MARCHF4: variants seen among roughly 807,000 people sequenced by gnomAD.
MARCHF4 encodes the protein E3 ubiquitin-protein ligase MARCHF4.
Under a neutral mutation model 43.9 loss-of-function variants are expected in MARCHF4, and 14 were observed. The observed-to-expected ratio is 0.32, with a 90% CI of 0.21 to 0.50. The LOEUF (loss-of-function observed/expected upper bound fraction) is 0.50. Ranked by LOEUF, MARCHF4 falls within the 20% of genes least tolerant of loss-of-function variation. The probability of loss-of-function intolerance (pLI) is 0.98; values close to 1 mark genes in which losing one functional copy is unlikely to be tolerated. For missense variants in MARCHF4, 468 were observed against 536.7 expected (o/e 0.87, Z 1.27); for synonymous variants, 226 against 213.3 (o/e 1.06, Z -0.52).
chr2:216,300,106 A>G (rs1272777997), intron 1 of MARCHF4, among the ~76,000 whole-genome samples: 5 of 152,124 alleles, frequency 3.3e-5, no homozygotes, highest in Admixed American at 3.3e-4. Flanking sequence ...AGTACAATCA[A>G]TCTACCACAT....
In MARCHF4 at chr2:216,259,616, T is replaced by C; in HGVS notation, c.929A>G (p.Gln310Arg). The change falls in exon 4 of 4, where the codon CAG becomes CGG. Residue 310 changes from glutamine to arginine, a missense_variant. By Grantham distance (43) the Gln-to-Arg change is conservative. Around this residue, in one of 3 missense-constraint regions of MARCHF4, gnomAD observed 120 missense variants for 127.1 expected, o/e 0.94. Transcript: ENST00000273067. ...GTCATAGTTCAGCACTTTCCACTGCTGGTTGACAGCCTGCCACCGTTTAAA... is the reference window on the plus strand; with the variant it reads ...GTCATAGTTCAGCACTTTCCACTGCCGGTTGACAGCCTGCCACCGTTTAAA... ...RIFKRWQAVN[Q>R]QWKVLNYDKT... 1 of 1,614,224 alleles carries C rather than the reference T, an allele frequency of 6.2e-7. No homozygotes were observed. Among genetic ancestry groups the C allele is most frequent in the Non-Finnish European group, 8.5e-7 (1 of 1,180,032 alleles).
rs1033886339 is a variant in MARCHF4 at position 216,259,011 on chromosome 2, C to T, written c.*301G>A. 2 of 246,640 alleles carry T rather than the reference C, an allele frequency of 8.1e-6. No homozygotes were observed. The highest frequency in any genetic ancestry group is 4.4e-5 in the African/African-American group (2 of 45,686). 15.3% of individuals were successfully genotyped at this position (246,640 alleles called of 1,614,324 possible). ...CCTCAGCCTCTGCTTCTTCGGGTACCTTGCCTGCAGGTGCATTGGGGCAGG... is the reference window on the plus strand; with the variant it reads ...CCTCAGCCTCTGCTTCTTCGGGTACTTTGCCTGCAGGTGCATTGGGGCAGG... On this transcript the variant is annotated 3_prime_UTR_variant, in exon 4 of 4. Transcript: ENST00000273067.
rs1405447333 is a variant in MARCHF4, at chr2:216,370,152, G to GAC, written c.107_108dup (p.Leu37ValfsTer14). On this transcript the variant is annotated frameshift_variant, in exon 1 of 4. Coordinates refer to ENST00000273067, the MANE Select transcript of MARCHF4 (RefSeq NM_020814.3). LOFTEE classifies it high-confidence loss of function. ...AGCATGCGGCAGCGGCACTTGAGGA[G>GAC]ACCCTGGTGGCGCAACATCTGGGGG... 6.2e-7 allele frequency: 1 copy of GAC among 1,609,960 alleles called. No homozygotes were observed. Among genetic ancestry groups the GAC allele is most frequent in the East Asian group, 2.2e-5 (1 of 44,746 alleles).
chr2:216,278,609 A>AT (rs1036204228), intron 2 of MARCHF4, among the ~76,000 whole-genome samples: 6 of 151,056 alleles, frequency 4.0e-5, no homozygotes, highest in East Asian at 1.9e-4. Flanking sequence ...TTTGTTTTTG[A>AT]TTTTTTTTTC....
chr2:216,320,663 CTTT>C (rs1691873053), intron 1 of MARCHF4, among the ~76,000 whole-genome samples: 1 of 96,922 alleles, frequency 1.0e-5, no homozygotes, highest in South Asian at 3.5e-4. Context: ...TTCTTTCTTT[CTTT>C]CTTTCTTTCT....
chr2:216,325,715 T>A (rs1691978832), intron 1 of MARCHF4, among the ~76,000 whole-genome samples: 1 of 151,056 alleles, frequency 6.6e-6, no homozygotes, highest in South Asian at 2.1e-4. Context: ...GGGGAAAGGA[T>A]TCCCTATTTA....
rs369890114 is a variant in MARCHF4 at position 216,274,866 on chromosome 2, AG to A, written c.865+2805del. Among the ~76,000 whole-genome samples the A allele has an allele frequency of 1.5e-3, 230 of 150,408 alleles. 1 individual carries two copies. The highest frequency in any genetic ancestry group is 5.3e-3 in the African/African-American group (219 of 41,184). ...CCGCAGTCATGCTCTGAAATGGTAT[AG>A]GTTCTTATTATAATCAATACAATGA... On this transcript the variant is annotated intron_variant, in intron 3 of 3. Transcript: ENST00000273067.
intron 1 of MARCHF4, among the ~76,000 whole-genome samples, chr2:216,368,273 C>A (rs1004878621): frequency 6.6e-6 from 1 of 152,138 alleles, no homozygotes; most frequent in Non-Finnish European, 1.5e-5. Flanking sequence ...GTCAGCCGAG[C>A]CACTCTACCC....
rs372062275 is a variant in MARCHF4 at position 216,323,536 on chromosome 2, A to C, written c.517-39807T>G. Reference sequence around the variant, plus strand: ...TTTTTTTCAGCATCACACCACACCTATTCCAAAATTGACCACATACTGGGA... The same window carrying C: ...TTTTTTTCAGCATCACACCACACCTCTTCCAAAATTGACCACATACTGGGA... On this transcript the variant is annotated intron_variant, in intron 1 of 3. Coordinates refer to ENST00000273067, the MANE Select transcript of MARCHF4 (RefSeq NM_020814.3). 5.0e-4 allele frequency among the ~76,000 whole-genome samples: 76 copies of C among 152,356 alleles called. 1 individual carries two copies. The East Asian group carries it at 0.011, about 22-fold the overall frequency.
At chr2:216,342,562 TG>T (rs1462383012) in intron 1 of MARCHF4, among the ~76,000 whole-genome samples, 1 of 151,914 alleles carries the variant, frequency 6.6e-6, no homozygotes, top group Non-Finnish European at 1.5e-5. Flanking sequence ...CCTGCAGGAA[TG>T]GTGGGAAGGG....
intron 3 of MARCHF4, among the ~76,000 whole-genome samples, chr2:216,264,891 G>C (rs1021348472): frequency 6.6e-6 from 1 of 152,168 alleles, no homozygotes; most frequent in African/African-American, 2.4e-5. Flanking sequence ...ATGCTTGTTT[G>C]GGAAAAGAGG....
In MARCHF4 at chr2:216,370,878, G is replaced by A. The variant is rs1369160627; in HGVS notation, c.-618C>T. On this transcript the variant is annotated 5_prime_UTR_variant, in exon 1 of 4. Transcript: ENST00000273067. ...GGAGTCAAGGTAGGGGAGGAGAGAA[G>A]ATTGGGAGAAGTTTTAATTCTCCTG... is the stretch of plus-strand genomic sequence containing the variant. The A allele has an allele frequency of 6.6e-6, 1 of 151,884 alleles. No individual in the cohort carries two copies. The highest frequency in any genetic ancestry group is 1.5e-5 in the Non-Finnish European group (1 of 68,008). 9.4% of individuals were successfully genotyped at this position (151,884 alleles called of 1,614,324 possible). A position where few individuals can be genotyped will look rare whatever the true frequency, so the allele number is the denominator to read the frequency against.
intron 1 of MARCHF4, among the ~76,000 whole-genome samples, chr2:216,310,030 A>G (rs1358563572): frequency 2.0e-5 from 3 of 152,094 alleles, no homozygotes; most frequent in African/African-American, 7.2e-5. Flanking sequence ...GATGATGACA[A>G]ACTAATAACT....
At chr2:216,301,085 C>G (rs1691486194) in intron 1 of MARCHF4, among the ~76,000 whole-genome samples, 2 of 152,108 alleles carry the variant, frequency 1.3e-5, no homozygotes, top group Non-Finnish European at 2.9e-5. Context: ...CTGGGGAGAC[C>G]CAAGGCTGCC....
chr2:216,368,192 C>T (rs1316165181), intron 1 of MARCHF4, among the ~76,000 whole-genome samples: 1 of 152,196 alleles, frequency 6.6e-6, no homozygotes, highest in African/African-American at 2.4e-5. Flanking sequence ...CCAAATAATT[C>T]TTTCTTTTGG....
intron 1 of MARCHF4, among the ~76,000 whole-genome samples, chr2:216,336,417 C>CA (rs1692157932): frequency 6.6e-6 from 1 of 152,154 alleles, no homozygotes; most frequent in African/African-American, 2.4e-5. Context: ...CCCATCCACT[C>CA]AGACTTGTTG....
intron 1 of MARCHF4, among the ~76,000 whole-genome samples, chr2:216,365,915 G>T (rs1196536308): frequency 6.6e-6 from 1 of 152,160 alleles, no homozygotes; most frequent in Non-Finnish European, 1.5e-5. Context: ...AAAGGTAGGT[G>T]CTTAATAAAG....
At chr2:216,362,442 C>T (rs1692598690) in intron 1 of MARCHF4, among the ~76,000 whole-genome samples, 1 of 152,218 alleles carries the variant, frequency 6.6e-6, no homozygotes, top group African/African-American at 2.4e-5. Flanking sequence ...GGGGTGGCTT[C>T]AAGAGGGTTC....
intron 1 of MARCHF4, among the ~76,000 whole-genome samples, chr2:216,287,984 C>A (rs544516077): frequency 6.6e-6 from 1 of 151,866 alleles, no homozygotes; most frequent in Non-Finnish European, 1.5e-5. Context: ...CTTTGAGACA[C>A]GATTTCACTC....
Sources: gnomAD v4.1 joint callset for allele counts (sites outside exome capture counted in the v4.1 genomes callset) on GRCh38, gnomAD v4.1.1 for gene constraint, gnomAD v4.1.1 regional missense constraint, MANE v1.5 for transcripts, NCBI Gene and HGNC (gene_info 2026-07-23, HGNC 2026-07-21) for gene names.